SLC5A1: variants seen among roughly 807,000 people sequenced by gnomAD.
The protein encoded by SLC5A1 is sodium/glucose cotransporter 1.
In SLC5A1, 42 loss-of-function variants were observed where a neutral mutation model predicts 73.5. The ratio of observed to expected loss-of-function variants is 0.57; its 90% CI spans 0.45 to 0.74. SLC5A1 has a LOEUF of 0.74. SLC5A1 is among the 30% of genes least tolerant of loss of function. The pLI, the probability that SLC5A1 is intolerant of heterozygous loss-of-function variation, is 0.00. For missense variants in SLC5A1, 634 were observed against 855.4 expected (o/e 0.74, Z 3.23); for synonymous variants, 300 against 317.4 (o/e 0.95, Z 0.58).
chr22:32,093,326 C>T (rs558339176), intron 11 of SLC5A1, among the ~76,000 whole-genome samples: 4 of 146,722 alleles, frequency 2.7e-5, no homozygotes, highest in Admixed American at 2.7e-4. Flanking sequence ...TATTGTTTTT[C>T]CTAGTTCTGT....
At chr22:32,060,358 A>C (rs905138715) in intron 2 of SLC5A1, among the ~76,000 whole-genome samples, 1 of 151,738 alleles carries the variant, frequency 6.6e-6, no homozygotes, top group Non-Finnish European at 1.5e-5. Flanking sequence ...CGTCTGGCTA[A>C]TTTTTTTGTA....
intron 10 of SLC5A1, 51 bp downstream of exon 10, chr22:32,086,378 G>C: frequency 5.7e-6 from 7 of 1,233,788 alleles, no homozygotes; most frequent in Non-Finnish European, 8.4e-6. Context: ...GAGGCTGATT[G>C]GGTTTAGGCA....
At chr22:32,098,708 T>C (rs2094030305) in intron 11 of SLC5A1, among the ~76,000 whole-genome samples, 1 of 152,172 alleles carries the variant, frequency 6.6e-6, no homozygotes, top group Non-Finnish European at 1.5e-5. Flanking sequence ...TATTTTTTCT[T>C]GCTGTGGTTA....
intron 10 of SLC5A1, among the ~76,000 whole-genome samples, chr22:32,089,364 C>A (rs919669538): frequency 1.3e-5 from 2 of 151,928 alleles, no homozygotes; most frequent in Non-Finnish European, 2.9e-5. Context: ...GTAGGTGAGA[C>A]CATAAATTAT....
Position 32,085,034 on chromosome 22 carries a change from A to G in SLC5A1, c.1020A>G (p.Thr340=). The G allele has an allele frequency of 6.2e-7, 1 of 1,614,178 alleles. No homozygotes were observed. Among genetic ancestry groups the G allele is most frequent in the Non-Finnish European group, 8.5e-7 (1 of 1,180,026 alleles). Residue 340 remains threonine (T), a splice_region_variant and synonymous_variant, in exon 9 of 15, where the codon ACA becomes ACG. Transcript: ENST00000266088. ...MPGMISRILY[T]EKIACVVPSE... ...GAATGATCAGCCGCATTCTGTACAC[A>G]GGTAATAACTTCTGCTGGACCCACA...
rs899334786 is a variant in SLC5A1, at chr22:32,099,183, G to A, written c.1281G>A (p.Arg427=). The A allele has an allele frequency of 6.3e-6, 10 of 1,595,316 alleles. No homozygotes were observed. The highest frequency in any genetic ancestry group is 1.7e-5 in the Admixed American group (1 of 58,810). ...ASEKELMIAG[R]LFILVLIGIS... ...CTTGTTGTGGGGGCTTTAATTTCAG[G>A]TTGTTTATCCTGGTGCTGATTGGCA... The change falls in exon 12 of 15, where the codon AGG becomes AGA. Residue 427 remains arginine, a splice_region_variant and synonymous_variant. Transcript: ENST00000266088.
In SLC5A1 at chr22:32,068,014, T is replaced by G; in HGVS notation, c.360T>G (p.Tyr120Ter). ...TGGGCTGGCTGTTTGTCCCCATCTA[T>G]ATTAAGGCTGGGGTAAGTATCTGCT... Reference protein sequence around the residue: ...VVLGWLFVPIYIKAGVVTMPE... With the variant: ...VVLGWLFVPI Residue 120 changes from tyrosine (Y) to a stop codon, truncating the protein, a stop_gained, in exon 4 of 15, where the codon TAT (tyrosine) becomes TAG (stop). Transcript: ENST00000266088. LOFTEE classifies it high-confidence loss of function. 6.2e-7 allele frequency: 1 copy of G among 1,614,142 alleles called. No individual in the cohort carries two copies. The highest frequency in any genetic ancestry group is 8.5e-7 in the Non-Finnish European group (1 of 1,179,984).
At chr22:32,093,559 T>C (rs1466792595) in intron 11 of SLC5A1, among the ~76,000 whole-genome samples, 2 of 150,354 alleles carry the variant, frequency 1.3e-5, no homozygotes, top group Non-Finnish European at 2.9e-5. Context: ...TTTTCCTTTC[T>C]TTTCTTTTCT....
At chr22:32,073,097 A>C (rs988110887) in intron 5 of SLC5A1, among the ~76,000 whole-genome samples, 2 of 152,176 alleles carry the variant, frequency 1.3e-5, no homozygotes, top group East Asian at 3.8e-4. Context: ...TGTCATTTCT[A>C]AGAATCCACT....
rs977207283 is a variant in SLC5A1 at position 32,049,117 on chromosome 22, T to TTA, written c.136-815_136-814dup. ...ATATATATATATATATATATAATCA[T>TTA]TATATATATATAATCATTATATATA... is the stretch of plus-strand genomic sequence containing the variant. On this transcript the variant is annotated intron_variant, in intron 1 of 14. Transcript: ENST00000266088. Among the ~76,000 whole-genome samples the TTA allele has an allele frequency of 6.4e-4, 92 of 142,676 alleles. 1 individual carries two copies. The highest frequency in any genetic ancestry group is 2.0e-3 in the Admixed American group (28 of 14,080). 93.6% of individuals were successfully genotyped at this position (142,676 alleles called of 152,430 possible).
intron 5 of SLC5A1, among the ~76,000 whole-genome samples, chr22:32,071,492 ATGG>A (rs1355848004): frequency 5.3e-5 from 8 of 152,266 alleles, no homozygotes; most frequent in Non-Finnish European, 7.4e-5. Context: ...GATAACGAAC[ATGG>A]TTAACTGAGA....
At chr22:32,083,006 G>C (rs2094002385) in intron 6 of SLC5A1, 68 bp from the exon 7 acceptor site, 7 of 1,411,918 alleles carry the variant, frequency 5.0e-6, no homozygotes, top group Non-Finnish European at 5.0e-6. Flanking sequence ...GTGGAGAGTG[G>C]GGAAGGAAGC....
chr22:32,047,613 A>G (rs530220277), intron 1 of SLC5A1, among the ~76,000 whole-genome samples: 5 of 152,324 alleles, frequency 3.3e-5, no homozygotes, highest in South Asian at 4.1e-4. Flanking sequence ...TCTCCCGGGT[A>G]CTGCCCAGCA....
intron 12 of SLC5A1, among the ~76,000 whole-genome samples, chr22:32,101,387 AAGTCTT>A (rs770905638): frequency 1.3e-5 from 2 of 152,208 alleles, no homozygotes; most frequent in African/African-American, 2.4e-5. Context: ...TGGTCTCTTA[AAGTCTT>A]CCATATTCTA....
chr22:32,066,758 T>A (rs924643431), intron 2 of SLC5A1, among the ~76,000 whole-genome samples, 177 bp from the exon 3 acceptor site: 2 of 152,216 alleles, frequency 1.3e-5, no homozygotes, highest in Non-Finnish European at 2.9e-5. Flanking sequence ...GTTTTCCAAG[T>A]TTCCACATCT....
At chr22:32,048,987 T>C (rs1201573112) in intron 1 of SLC5A1, among the ~76,000 whole-genome samples, 2 of 151,690 alleles carry the variant, frequency 1.3e-5, no homozygotes, top group Non-Finnish European at 2.9e-5. Context: ...CGAGAATTGC[T>C]TGAACCCAGG....
intron 14 of SLC5A1, among the ~76,000 whole-genome samples, chr22:32,106,652 TTCTC>T (rs765777418): frequency 7.2e-5 from 11 of 152,174 alleles, no homozygotes; most frequent in Non-Finnish European, 1.5e-4. Context: ...AAAATCAAAT[TTCTC>T]TCGAAGACCA....
At chr22:32,056,671 C>G (rs1355982403) in intron 2 of SLC5A1, among the ~76,000 whole-genome samples, 2 of 152,136 alleles carry the variant, frequency 1.3e-5, no homozygotes, top group East Asian at 1.9e-4. Context: ...GCCCTGGGAT[C>G]TCCCGATATC....
chr22:32,107,223 T>C (rs1336359628), intron 14 of SLC5A1, among the ~76,000 whole-genome samples: 1 of 152,130 alleles, frequency 6.6e-6, no homozygotes, highest in African/African-American at 2.4e-5. Flanking sequence ...CAAAAATGTC[T>C]CCACACTGTG....
Sources: gnomAD v4.1 joint callset for allele counts (sites outside exome capture counted in the v4.1 genomes callset) on GRCh38, gnomAD v4.1.1 for gene constraint, MANE v1.5 for transcripts, NCBI Gene and HGNC (gene_info 2026-07-23, HGNC 2026-07-21) for gene names.